Variants in DMD observed in about 807,000 individuals in gnomAD.
The protein encoded by DMD is mutant dystrophin.
A neutral mutation model predicts 330.1 loss-of-function variants in DMD; 63 were observed. That is an observed-to-expected ratio of 0.19 (90% CI 0.16 to 0.24). DMD has a LOEUF of 0.24. Ranked by LOEUF, DMD falls within the 10% of genes least tolerant of loss-of-function variation. DMD has a pLI of 1.00. For synonymous variants in DMD, 1,223 were observed against 959.8 expected (o/e 1.27, Z -5.07); for missense variants, 3,344 against 2,684.1 (o/e 1.25, Z -5.43).
intron 2 of DMD, among the ~76,000 whole-genome samples, chrX:32,904,242 A>G (rs1194984024): frequency 2.7e-5 from 3 of 111,968 alleles, no homozygotes; most frequent in Non-Finnish European, 5.6e-5. Flanking sequence ...AAGTGACTCA[A>G]TAAGTTTTCA....
chrX:32,064,886 T>G (rs2096250172), intron 44 of DMD, among the ~76,000 whole-genome samples: 1 of 111,392 alleles, frequency 9.0e-6, no homozygotes, highest in African/African-American at 3.3e-5. Flanking sequence ...AATGAAAATT[T>G]TATTATTCAC....
At chrX:31,901,066 T>C (rs983948702) in intron 47 of DMD, among the ~76,000 whole-genome samples, 17 of 111,675 alleles carry the variant, frequency 1.5e-4, no homozygotes, top group Non-Finnish European at 1.9e-5. Context: ...AAGGCCTTCC[T>C]TTATGAACCA....
intron 6 of DMD, among the ~76,000 whole-genome samples, chrX:32,815,961 T>C (rs1297266286): frequency 3.6e-5 from 4 of 111,557 alleles, no homozygotes; most frequent in Admixed American, 9.6e-5. Flanking sequence ...TAGAACAAAG[T>C]ATACAGGGCT....
intron 43 of DMD, among the ~76,000 whole-genome samples, chrX:32,251,253 T>C (rs6631523): frequency 0.067 from 7,395 of 110,985 alleles, 515 homozygotes; most frequent in East Asian, 0.47. Flanking sequence ...ACAGTCTCTC[T>C]TTAGGTTATT....
intron 1 of DMD, among the ~76,000 whole-genome samples, chrX:33,281,401 G>T (rs1450235236): frequency 5.4e-5 from 6 of 110,422 alleles, no homozygotes; most frequent in Non-Finnish European, 1.1e-4. Flanking sequence ...TCGAGACAGG[G>T]TTTCACTATG....
intron 52 of DMD, among the ~76,000 whole-genome samples, chrX:31,713,050 C>A (rs2084761931): frequency 9.0e-6 from 1 of 111,177 alleles, no homozygotes; most frequent in African/African-American, 3.3e-5. Context: ...TACCATTCAC[C>A]AGCTGCTATT....
chrX:33,233,382 AAAC>A (rs1386730369), intron 1 of DMD, among the ~76,000 whole-genome samples: 1 of 111,851 alleles, frequency 8.9e-6, no homozygotes, highest in Non-Finnish European at 1.9e-5. Flanking sequence ...CCCACACTGT[AAAC>A]AACAATATCT....
chrX:32,823,358 G>T lies in DMD; in HGVS notation c.294C>A (p.Asp98Glu). The change falls in exon 5 of 79, where the codon GAC becomes GAA. Residue 98 changes from aspartate (D) to glutamate (E), a missense_variant. Asp to Glu is a conservative substitution (Grantham distance 45, BLOSUM62 2). Coordinates refer to ENST00000357033, the MANE Select transcript of DMD (RefSeq NM_004006.3). ...TCAGTTTATGATTTCCATCTACGAT[G>T]TCAGTACTTCCAATATTCACTAAAT... ...NVDLVNIGST[D>E]IVDGNHKLTL... The T allele has an allele frequency of 8.3e-7, 1 of 1,208,163 alleles. No homozygotes were observed. Among genetic ancestry groups the T allele is most frequent in the Non-Finnish European group, 1.1e-6 (1 of 892,538 alleles).
At chrX:31,794,450 C>T (rs1308165339) in intron 50 of DMD, among the ~76,000 whole-genome samples, 2 of 111,642 alleles carry the variant, frequency 1.8e-5, no homozygotes, top group Non-Finnish European at 3.8e-5. Context: ...ATAGTTTAGG[C>T]ACTTTTTCTA....
At chrX:32,346,216 T>C in intron 38 of DMD, 136 bp from the exon 39 acceptor site, 1 of 685,577 alleles carries the variant, frequency 1.5e-6, no homozygotes, top group Non-Finnish European at 2.2e-6. Flanking sequence ...TATTATAAGA[T>C]ACTGTGCTCA....
chrX:31,684,179 A>G (rs1455796865), intron 52 of DMD, among the ~76,000 whole-genome samples: 2 of 111,999 alleles, frequency 1.8e-5, no homozygotes, highest in Non-Finnish European at 3.8e-5. Flanking sequence ...AGGAGATTAA[A>G]AAATACCTAT....
In DMD at chrX:32,281,644, T is replaced by A. The variant is rs186245661; in HGVS notation, c.6290+5885A>T. On this transcript the variant is annotated intron_variant, in intron 43 of 78. Coordinates refer to ENST00000357033, the MANE Select transcript of DMD (RefSeq NM_004006.3). ...GACCTCTAAACTCCAAAGTGCCTAA[T>A]TTTTTAGTTTCATATAATAGATTCA... Among the ~76,000 whole-genome samples, 416 of 111,992 alleles carry A rather than the reference T, an allele frequency of 3.7e-3. 3 individuals carry two copies. The highest frequency in any genetic ancestry group is 0.013 in the African/African-American group (386 of 30,880).
At chrX:32,577,638 C>T (rs1421369542) in intron 13 of DMD, among the ~76,000 whole-genome samples, 2 of 112,356 alleles carry the variant, frequency 1.8e-5, no homozygotes, top group Non-Finnish European at 3.8e-5. Context: ...TGTAGAAAGG[C>T]ACCCATTAAA....
At chrX:32,532,428 G>A (rs936996078) in intron 17 of DMD, among the ~76,000 whole-genome samples, 4 of 111,908 alleles carry the variant, frequency 3.6e-5, no homozygotes, top group African/African-American at 1.3e-4. Context: ...ATAGCAAGGC[G>A]AGGAATTTCC....
At chrX:33,139,188 C>G (rs2047666366) in intron 1 of DMD, among the ~76,000 whole-genome samples, 2 of 111,160 alleles carry the variant, frequency 1.8e-5, no homozygotes, top group Non-Finnish European at 3.8e-5. Flanking sequence ...GTCCTAGCTA[C>G]TGGGGAAGCT....
Position 31,749,304 on chromosome X carries a change from C to A in DMD, c.7543-19556G>T, listed in dbSNP as rs1395316525. On this transcript the variant is annotated intron_variant, in intron 51 of 78. Transcript: ENST00000357033. ...GCCATCCCTCCCCCCTCCCCCCACC[C>A]CACAACAGTCCCCAGAGTGTGATGT... Among the ~76,000 whole-genome samples, 6 of 77,802 alleles carry A rather than the reference C, an allele frequency of 7.7e-5. 1 individual carries two copies. The highest frequency in any genetic ancestry group is 2.9e-4 in the African/African-American group (6 of 20,664). 67.6% of individuals were successfully genotyped at this position (77,802 alleles called of 115,157 possible). A position where few individuals can be genotyped will look rare whatever the true frequency, so the allele number is the denominator to read the frequency against.
chrX:31,479,289 G>A (rs892467352), intron 57 of DMD, among the ~76,000 whole-genome samples, 186 bp from the exon 58 acceptor site: 1 of 111,627 alleles, frequency 9.0e-6, no homozygotes. Flanking sequence ...TGAGGAAAGC[G>A]CTGTGTTTGT....
intron 7 of DMD, among the ~76,000 whole-genome samples, chrX:32,751,438 C>G (rs2070796384): frequency 9.0e-6 from 1 of 111,420 alleles, no homozygotes; most frequent in Non-Finnish European, 1.9e-5. Context: ...GAACTTTGAG[C>G]TTGAGAGGGG....
intron 17 of DMD, among the ~76,000 whole-genome samples, chrX:32,530,424 G>A (rs2047371829): frequency 8.9e-6 from 1 of 112,136 alleles, no homozygotes; most frequent in South Asian, 3.7e-4. Context: ...CTGGTAGGTA[G>A]AAATGATGTT....
Sources: gnomAD v4.1 joint callset for allele counts (sites outside exome capture counted in the v4.1 genomes callset) on GRCh38, gnomAD v4.1.1 for gene constraint, MANE v1.5 for transcripts, NCBI Gene and HGNC (gene_info 2026-07-23, HGNC 2026-07-21) for gene names.